The following DHX33 variants were observed in gnomAD, a reference collection of about 807,000 sequenced individuals.
DHX33 encodes the protein ATP-dependent RNA helicase DHX33.
DHX33 carries 42 observed loss-of-function variants against 72.5 expected under a neutral mutation model. The ratio of observed to expected loss-of-function variants is 0.58; its 90% CI spans 0.45 to 0.75. The LOEUF (loss-of-function observed/expected upper bound fraction) is 0.75, where lower values mean the gene tolerates loss of function less well. DHX33 is among the 30% of genes least tolerant of loss of function. The probability of loss-of-function intolerance (pLI) is 0.00; values close to 1 mark genes in which losing one functional copy is unlikely to be tolerated. For synonymous variants in DHX33, 358 were observed against 366.1 expected (o/e 0.98, Z 0.25); for missense variants, 842 against 917.5 (o/e 0.92, Z 1.06).
chr17:5,445,339 A>G (rs1468687708), intron 11 of DHX33, among the ~76,000 whole-genome samples: 4 of 152,174 alleles, frequency 2.6e-5, no homozygotes, highest in African/African-American at 9.7e-5. Context: ...TTGGCCTCCC[A>G]AAGTGCTGGG....
chr17:5,465,479 A>G (rs1030752483), intron 1 of DHX33, among the ~76,000 whole-genome samples: 1 of 152,230 alleles, frequency 6.6e-6, no homozygotes, highest in African/African-American at 2.4e-5. Flanking sequence ...AGTGTTTTGA[A>G]CTTTGGATTC....
In DHX33 at chr17:5,450,285, C is replaced by T. The variant is rs373067235; in HGVS notation, c.1646G>A (p.Arg549His). 2.0e-5 allele frequency: 33 copies of T among 1,614,008 alleles called. No homozygotes were observed. The highest frequency in any genetic ancestry group is 6.6e-5 in the South Asian group (6 of 91,078). ...CCCCTCGCTGGATATGAACTTCTTG[C>T]GGACCCCTTGCACTTCCTCTCGCCG... is the stretch of plus-strand genomic sequence containing the variant. The part of the protein sequence containing the change: ...PSRREEVQGV[R>H]KKFISSEGDH... The change falls in exon 10 of 12, where the codon CGC becomes CAC. Residue 549 changes from arginine to histidine, a missense_variant. By Grantham distance (29) the Arg-to-His change is conservative (BLOSUM62 0). Coordinates refer to ENST00000225296, the MANE Select transcript of DHX33 (RefSeq NM_020162.4).
chr17:5,447,354 C>A (rs1351180643), intron 11 of DHX33, among the ~76,000 whole-genome samples: 1 of 151,964 alleles, frequency 6.6e-6, no homozygotes, highest in African/African-American at 2.4e-5. Context: ...CCCGTCTCTA[C>A]TAAAAATACA....
intron 4 of DHX33, among the ~76,000 whole-genome samples, chr17:5,458,147 A>T (rs1279479336): frequency 6.6e-6 from 1 of 152,158 alleles, no homozygotes; most frequent in Non-Finnish European, 1.5e-5. Flanking sequence ...CTGGGAAGCC[A>T]TGGGTCTCAC....
intron 1 of DHX33, among the ~76,000 whole-genome samples, chr17:5,468,140 G>A (rs1048349798): frequency 1.3e-5 from 2 of 152,098 alleles, no homozygotes; most frequent in Non-Finnish European, 2.9e-5. Flanking sequence ...CCACAACTCT[G>A]CCTCTTTTCA....
chr17:5,446,120 A>G (rs945428873), intron 11 of DHX33, among the ~76,000 whole-genome samples: 3 of 152,134 alleles, frequency 2.0e-5, no homozygotes, highest in Non-Finnish European at 4.4e-5. Flanking sequence ...GGTTATAGGC[A>G]TGCACCACCA....
chr17:5,453,871 C>T lies in DHX33; in HGVS notation c.1257G>A (p.Thr419=), dbSNP rs370324698. The T allele has an allele frequency of 1.1e-4, 170 of 1,613,992 alleles. No individual in the cohort carries two copies. The highest frequency in any genetic ancestry group is 1.4e-4 in the Non-Finnish European group (161 of 1,180,032). Residue 419 remains threonine (T), a synonymous_variant, in exon 7 of 12, where the codon ACG becomes ACA. Transcript: ENST00000225296. ...EDSGICYRLY[T]EDEFEKFDKM... is the part of the protein sequence containing the mutation. ...TATCAAACTTCTCAAACTCGTCCTC[C>T]GTGTAGAGCCGGTAGCAGATGCCAC...
chr17:5,450,904 T>A lies in DHX33; in HGVS notation c.1427A>T (p.Asp476Val). 6.2e-7 allele frequency: 1 copy of A among 1,614,066 alleles called. No individual in the cohort carries two copies. ...CTTATGTTCAAGAGCACCTAACAGGTCCAGTTGGGCAATGGCCGCCTGAAT... is the reference window on the plus strand; with the variant it reads ...CTTATGTTCAAGAGCACCTAACAGGACCAGTTGGGCAATGGCCGCCTGAAT... The part of the protein sequence containing the change: ...DHIQAAIAQL[D>V]LLGALEHKDD... Residue 476 changes from aspartate to valine, a missense_variant, in exon 9 of 12, where the codon GAC becomes GTC. By Grantham distance (152) the Asp-to-Val change is radical (BLOSUM62 -3). Transcript: ENST00000225296.
chr17:5,462,396 T>C lies in DHX33; in HGVS notation c.601A>G (p.Ile201Val), dbSNP rs202095185. The C allele has an allele frequency of 2.6e-4, 418 of 1,614,098 alleles. No individual in the cohort carries two copies. The highest frequency in any genetic ancestry group is 3.0e-4 in the Non-Finnish European group (358 of 1,180,040). The stretch of plus-strand genomic sequence containing the variant: ...ACTCCAAAGAGCACATCTGTGTGGA[T>C]AGTCCGTTCGTGAGCTTCATCCAAA... ...VILDEAHERTIHTDVLFGVVK... is the reference protein window; with the variant it reads ...VILDEAHERTVHTDVLFGVVK... The change falls in exon 3 of 12, where the codon ATC becomes GTC. Residue 201 changes from isoleucine (I) to valine (V), a missense_variant. By Grantham distance (29) the Ile-to-Val change is conservative. Coordinates refer to ENST00000225296, the MANE Select transcript of DHX33 (RefSeq NM_020162.4).
At chr17:5,453,217 G>C (rs1432606196) in intron 8 of DHX33, among the ~76,000 whole-genome samples, 1 of 152,148 alleles carries the variant, frequency 6.6e-6, no homozygotes, top group African/African-American at 2.4e-5. Flanking sequence ...TGATGGTGCT[G>C]ATAGTACAGA....
intron 1 of DHX33, among the ~76,000 whole-genome samples, chr17:5,467,336 G>GT (rs1188901501): frequency 3.9e-5 from 6 of 152,126 alleles, no homozygotes; most frequent in Non-Finnish European, 8.8e-5. Context: ...CCGAGACCAG[G>GT]AAACTCTCCA....
intron 11 of DHX33, among the ~76,000 whole-genome samples, chr17:5,448,598 T>G (rs1267494632): frequency 6.6e-6 from 1 of 152,224 alleles, no homozygotes; most frequent in Non-Finnish European, 1.5e-5. Context: ...TATAATTTAC[T>G]ATGTAAAAAA....
chr17:5,450,360 G>T lies in DHX33; in HGVS notation c.1571C>A (p.Thr524Asn). Residue 524 changes from threonine (T) to asparagine (N), a missense_variant, in exon 10 of 12, where the codon ACC becomes AAC. Coordinates refer to ENST00000225296, the MANE Select transcript of DHX33 (RefSeq NM_020162.4). ...PKFHCTEEIL[T>N]IVSLLSVDSV... ...GTCCACAGACAGCAGGGAGACAATGGTCAGGATCTCCTCTGTACAGTGGAA... is the reference window on the plus strand; with the variant it reads ...GTCCACAGACAGCAGGGAGACAATGTTCAGGATCTCCTCTGTACAGTGGAA... 1 of 1,614,214 alleles carries T rather than the reference G, an allele frequency of 6.2e-7. No homozygotes were observed. The highest frequency in any genetic ancestry group is 8.5e-7 in the Non-Finnish European group (1 of 1,180,050).
rs756017088 is a variant in DHX33 at position 5,462,554 on chromosome 17, G to A, written c.451-8C>T. On this transcript the variant is annotated splice_region_variant and splice_polypyrimidine_tract_variant and intron_variant, in intron 2 of 11. Transcript: ENST00000225296. ...GCGCACTGTATAGCCAACCTGTGCA[G>A]GGAAACAATTTATTCAGTCACCAAA... The A allele has an allele frequency of 4.4e-6, 7 of 1,606,074 alleles. No individual in the cohort carries two copies. The highest frequency in any genetic ancestry group is 6.0e-6 in the Non-Finnish European group (7 of 1,173,274).
At position 5,468,635 on chromosome 17, in the gene DHX33, G is replaced by A. The variant is rs774252377; in HGVS notation, c.225C>T (p.Pro75=). 3 of 1,612,132 alleles carry A rather than the reference G, an allele frequency of 1.9e-6. No homozygotes were observed. The Admixed American group carries it at 5.0e-5, about 27-fold the overall frequency. Residue 75 remains proline, a synonymous_variant, in exon 1 of 12, where the codon CCC becomes CCT. Transcript: ENST00000225296. Reference sequence around the variant, plus strand: ...ACAGTTGCCCCCGCGCTTGGAAGATGGGCAGACTCCGGCGCTGCAGCTCCA... The same window carrying A: ...ACAGTTGCCCCCGCGCTTGGAAGATAGGCAGACTCCGGCGCTGCAGCTCCA... ...EAVELQRRSL[P]IFQARGQLLA... is the part of the protein sequence containing the mutation.
rs116600656 is a variant in DHX33 at position 5,467,407 on chromosome 17, T to C, written c.289+1164A>G. On this transcript the variant is annotated intron_variant, in intron 1 of 11. Transcript: ENST00000225296. Reference sequence around the variant, plus strand: ...CCGTCCCTCCTCCTTTTTATAACTATAGGGTCTGGATTGACAAAGCAGGAA... The same window carrying C: ...CCGTCCCTCCTCCTTTTTATAACTACAGGGTCTGGATTGACAAAGCAGGAA... Among the ~76,000 whole-genome samples, 675 of 152,282 alleles carry C rather than the reference T, an allele frequency of 4.4e-3. 6 individuals carry two copies. Among genetic ancestry groups the C allele is most frequent in the African/African-American group, 0.015 (636 of 41,558 alleles).
chr17:5,467,600 G>A (rs1378055876), intron 1 of DHX33, among the ~76,000 whole-genome samples: 1 of 152,072 alleles, frequency 6.6e-6, no homozygotes, highest in Non-Finnish European at 1.5e-5. Context: ...ACATGTTAAG[G>A]GATAACCCCA....
At chr17:5,459,918 A>G (rs530794838) in intron 4 of DHX33, among the ~76,000 whole-genome samples, 53 of 147,102 alleles carry the variant, frequency 3.6e-4, no homozygotes, top group Non-Finnish European at 7.4e-4. Context: ...AAGCGTTGGG[A>G]TTACAGGTGT....
chr17:5,455,275 A>C lies in DHX33; in HGVS notation c.1036-4T>G. On this transcript the variant is annotated splice_region_variant and splice_polypyrimidine_tract_variant and intron_variant, in intron 5 of 11. Coordinates refer to ENST00000225296, the MANE Select transcript of DHX33 (RefSeq NM_020162.4). ...AAATGATCACTTTGCGATAGCCCTA[A>C]AAGGAGGAAGAAAACCAAAAAGCCG... 1.2e-6 allele frequency: 2 copies of C among 1,613,584 alleles called. No homozygotes were observed. The highest frequency in any genetic ancestry group is 1.7e-6 in the Non-Finnish European group (2 of 1,179,510).
Sources: gnomAD v4.1 joint callset for allele counts (sites outside exome capture counted in the v4.1 genomes callset) on GRCh38, gnomAD v4.1.1 for gene constraint, MANE v1.5 for transcripts, NCBI Gene and HGNC (gene_info 2026-07-23, HGNC 2026-07-21) for gene names.